Variants in SYCE1 observed in about 807,000 individuals in gnomAD.
SYCE1 encodes cancer/testis antigen 76.
Under a neutral mutation model 55.1 loss-of-function variants are expected in SYCE1, and 37 were observed. That is an observed-to-expected ratio of 0.67 (90% CI 0.52 to 0.88). SYCE1 has a LOEUF of 0.88. Ranked by LOEUF, SYCE1 falls within the 40% of genes least tolerant of loss-of-function variation. The pLI is 0.00. For synonymous variants in SYCE1, 163 were observed against 159.4 expected, an observed-to-expected ratio of 1.02 and a Z score of -0.17; for missense variants, 399 against 416.4, an observed-to-expected ratio of 0.96 and a Z score of 0.36.
In SYCE1 at chr10:133,557,148, G is replaced by T. The variant is rs148164340; in HGVS notation, c.383C>A (p.Thr128Asn). Residue 128 changes from threonine to asparagine, a missense_variant, in exon 7 of 13, where the codon ACC becomes AAC. Coordinates refer to ENST00000343131, the MANE Select transcript of SYCE1 (RefSeq NM_001143764.3). ...TCTCTCCTTGCACTCCTGCAACATG[G>T]TGTGCTTCCTGGGAGAGGCGAGGCA... ...EKESEAHRKH[T>N]MLQECKERIS... 2.5e-6 allele frequency: 4 copies of T among 1,614,004 alleles called. No individual in the cohort carries two copies. In the East Asian group the frequency reaches 8.9e-5, roughly 36 times the overall value.
In SYCE1 at chr10:133,554,920, G is replaced by A. The variant is rs1851614942; in HGVS notation, c.*72C>T. The A allele has an allele frequency of 6.8e-7, 1 of 1,470,686 alleles. No homozygotes were observed. Among genetic ancestry groups the A allele is most frequent in the Non-Finnish European group, 9.0e-7 (1 of 1,110,622 alleles). The allele number at this position is 1,470,686 out of a possible 1,614,324, so 91.1% of individuals were successfully genotyped here. On this transcript the variant is annotated 3_prime_UTR_variant, in exon 13 of 13. Coordinates refer to ENST00000343131, the MANE Select transcript of SYCE1 (RefSeq NM_001143764.3). ...AGACCAAGAGGCAGAGTCAAGCCAA[G>A]GCTTCAATCAGTCACAGGAGACTGG...
chr10:133,565,477 T>A lies in SYCE1; in HGVS notation c.53A>T (p.Asp18Val). ...ACTACCTCCGGCCTTCTCAGCCCTGTCCACGGCTCCTGCGGTGGGCTCGGC... is the reference window on the plus strand; with the variant it reads ...ACTACCTCCGGCCTTCTCAGCCCTGACCACGGCTCCTGCGGTGGGCTCGGC... ...SKAEPTAGAV[D>V]RAEKAGGQDT... The change falls in exon 1 of 13, where the codon GAC becomes GTC. Residue 18 changes from aspartate to valine, a missense_variant. By Grantham distance (152) the Asp-to-Val change is radical (BLOSUM62 -3). Coordinates refer to ENST00000343131, the MANE Select transcript of SYCE1 (RefSeq NM_001143764.3). 6.5e-7 allele frequency: 1 copy of A among 1,550,198 alleles called. No individual in the cohort carries two copies. The highest frequency in any genetic ancestry group is 8.7e-7 in the Non-Finnish European group (1 of 1,146,746).
upstream of SYCE1, among the ~76,000 whole-genome samples, chr10:133,566,773 G>A (rs1367796417): frequency 1.3e-5 from 2 of 151,034 alleles, 1 homozygote; most frequent in African/African-American, 4.9e-5. Context: ...ACAGTTTAGG[G>A]TAAGGGGTTA....
At chr10:133,557,744 C>G (rs1851721842) in intron 6 of SYCE1, 120 bp downstream of exon 6, 1 of 1,146,700 alleles carries the variant, frequency 8.7e-7, no homozygotes, top group South Asian at 1.3e-5. Context: ...ATTCTTTGGA[C>G]TCTCCATTGT....
At chr10:133,559,576 A>C in intron 2 of SYCE1, 1 of 561,444 alleles carries the variant, frequency 1.8e-6, no homozygotes. Flanking sequence ...CGTGTTCAAG[A>C]GAAATGAAGT....
At chr10:133,558,410 G>T (rs922428283) in intron 4 of SYCE1, 196 bp from the exon 5 acceptor site, 1 of 629,234 alleles carries the variant, frequency 1.6e-6, no homozygotes, top group East Asian at 2.7e-5. Flanking sequence ...TTTACAGAGG[G>T]TGGCTGTGAG....
At chr10:133,558,370 A>G in intron 4 of SYCE1, 156 bp from the exon 5 acceptor site, 1 of 776,188 alleles carries the variant, frequency 1.3e-6, no homozygotes, top group East Asian at 2.5e-5. Context: ...TGGTGCCCAC[A>G]TTCCTTGTAA....
At chr10:133,563,637 C>G (rs1272047834) in intron 1 of SYCE1, among the ~76,000 whole-genome samples, 1 of 148,916 alleles carries the variant, frequency 6.7e-6, no homozygotes, top group Non-Finnish European at 1.5e-5. Context: ...CTGCAGTGAG[C>G]AGTGATTGTA....
At chr10:133,558,625 A>C in intron 4 of SYCE1, 1 of 546,704 alleles carries the variant, frequency 1.8e-6, no homozygotes, top group Non-Finnish European at 3.2e-6. Flanking sequence ...TGATGATGTG[A>C]GGAAAGAGGA....
chr10:133,568,025 C>T (rs1851988727), upstream of SYCE1: 2 of 610,630 alleles, frequency 3.3e-6, no homozygotes, highest in Admixed American at 2.2e-5. Context: ...AAGGGGGAGC[C>T]CAGGCCGGAG....
At chr10:133,554,079 T>C (rs1851588816), downstream of SYCE1, 2 of 436,244 alleles carry the variant, frequency 4.6e-6, no homozygotes, top group Non-Finnish European at 8.1e-6. Context: ...TTTTAAAATG[T>C]GGTGTCTTCA....
rs1327642589 is a variant in SYCE1, at chr10:133,564,510, T to C, written c.73+947A>G. 1.3e-5 allele frequency: 11 copies of C among 851,064 alleles called. No homozygotes were observed. In the East Asian group the frequency reaches 1.4e-3, roughly 106 times the overall value. 52.7% of individuals were successfully genotyped at this position (851,064 alleles called of 1,614,324 possible). On this transcript the variant is annotated intron_variant, in intron 1 of 12. Transcript: ENST00000343131. ...GGGATACGTTTGCGTCTGTCCTGTT[T>C]ACTTGCTTTGTCCTTCGCTGGGGCT... is the stretch of plus-strand genomic sequence containing the variant.
Position 133,556,167 on chromosome 10 carries a change from T to A in SYCE1, c.529-120A>T, listed in dbSNP as rs1564855587. 3 of 1,137,842 alleles carry A rather than the reference T, an allele frequency of 2.6e-6. No individual in the cohort carries two copies. The East Asian group carries it at 7.5e-5, about 28-fold the overall frequency. The allele number at this position is 1,137,842 out of a possible 1,614,324, so 70.5% of individuals were successfully genotyped here. On this transcript the variant is annotated intron_variant, in intron 8 of 12. Coordinates refer to ENST00000343131, the MANE Select transcript of SYCE1 (RefSeq NM_001143764.3). The stretch of plus-strand genomic sequence containing the variant: ...GCCTCACTTCCAACAACTCTGCCCC[T>A]CTGTGCACACCAGCTACAGTACAGC...
In SYCE1 at chr10:133,565,534, T is replaced by C; in HGVS notation, c.-5A>G. The C allele has an allele frequency of 1.3e-6, 2 of 1,549,536 alleles. No homozygotes were observed. The highest frequency in any genetic ancestry group is 2.4e-5 in the South Asian group (2 of 83,910). On this transcript the variant is annotated 5_prime_UTR_variant, in exon 1 of 13. Transcript: ENST00000343131. ...TGTCAGGGACCTCCCCGCCATTTCC[T>C]CTCAGCTCGCCAGCGAGGGTGCCTC...
chr10:133,560,791 T>C (rs1851799425), intron 1 of SYCE1: 1 of 152,178 alleles, frequency 6.6e-6, no homozygotes, highest in African/African-American at 2.4e-5. Flanking sequence ...TGAAAATAAA[T>C]CAATTCAAAG....
chr10:133,562,421 A>T (rs550835460), intron 1 of SYCE1, among the ~76,000 whole-genome samples: 2 of 151,760 alleles, frequency 1.3e-5, no homozygotes, highest in African/African-American at 4.8e-5. Flanking sequence ...TATTTTCTTC[A>T]TATAGTTCTG....
chr10:133,565,340 G>A (rs555971104), intron 1 of SYCE1, 117 bp downstream of exon 1: 1 of 938,010 alleles, frequency 1.1e-6, no homozygotes, highest in East Asian at 3.2e-5. Flanking sequence ...AACCCGCTAA[G>A]TCTCAATCAG....
intron 2 of SYCE1, chr10:133,559,786 GA>G: frequency 2.2e-6 from 1 of 447,296 alleles, no homozygotes; most frequent in Non-Finnish European, 4.1e-6. Flanking sequence ...AGTAGCGGGT[GA>G]GGGGGAAGGA....
intron 2 of SYCE1, chr10:133,559,843 A>G: frequency 1.9e-6 from 1 of 519,378 alleles, no homozygotes; most frequent in Non-Finnish European, 3.5e-6. Flanking sequence ...ACTGCAGTGG[A>G]GCCAGATGGG....
Sources: gnomAD v4.1 joint callset for allele counts (sites outside exome capture counted in the v4.1 genomes callset) on GRCh38, gnomAD v4.1.1 for gene constraint, MANE v1.5 for transcripts, NCBI Gene and HGNC (gene_info 2026-07-23, HGNC 2026-07-21) for gene names.